USH2A: variants seen among roughly 807,000 people sequenced by gnomAD.
The protein encoded by USH2A is Usher syndrome 2A (autosomal recessive, mild).
A neutral mutation model predicts 538.9 loss-of-function variants in USH2A; 443 were observed. The observed-to-expected ratio is 0.82, with a 90% CI of 0.76 to 0.89. USH2A has a LOEUF of 0.89. Among genes scored for constraint, USH2A ranks in the 40% least tolerant of loss-of-function variants. USH2A has a pLI of 0.00. For synonymous variants in USH2A, 2,413 were observed against 2,273.5 expected (o/e 1.06, Z -1.75); for missense variants, 6,633 against 6,324.8 (o/e 1.05, Z -1.65).
At chr1:215,917,800 A>T (rs1197047827) in intron 38 of USH2A, among the ~76,000 whole-genome samples, 10 of 150,438 alleles carry the variant, frequency 6.6e-5, no homozygotes, top group African/African-American at 2.4e-4. Context: ...AAAAAAAAAA[A>T]AAAAAATACA....
At chr1:215,866,966 A>G in intron 44 of USH2A, 41 bp downstream of exon 44, 1 of 1,613,726 alleles carries the variant, frequency 6.2e-7, no homozygotes, top group South Asian at 1.1e-5. Context: ...TGCTTTTAAA[A>G]ATACACAAAG....
intron 9 of USH2A, among the ~76,000 whole-genome samples, chr1:216,314,306 A>G (rs938160628): frequency 6.6e-6 from 1 of 152,166 alleles, no homozygotes; most frequent in Admixed American, 6.6e-5. Context: ...TTCAAAGATT[A>G]ATAATATCAT....
chr1:216,231,251 ATATATATAAT>A (rs2035678200), intron 14 of USH2A, among the ~76,000 whole-genome samples: 1 of 76,598 alleles, frequency 1.3e-5, no homozygotes, highest in African/African-American at 3.8e-5. Flanking sequence ...TATATATATT[ATATATATAAT>A]ATATATATAT....
chr1:215,957,031 CTTTT>C (rs1278869077), intron 37 of USH2A, among the ~76,000 whole-genome samples: 1 of 152,042 alleles, frequency 6.6e-6, no homozygotes, highest in Non-Finnish European at 1.5e-5. Flanking sequence ...GAAAAAATGC[CTTTT>C]GATTTCCCAA....
chr1:216,059,029 T>C lies in USH2A; in HGVS notation c.6050-10382A>G, dbSNP rs576989255. On this transcript the variant is annotated intron_variant, in intron 30 of 71. Coordinates refer to ENST00000307340, the MANE Select transcript of USH2A (RefSeq NM_206933.4). ...GCAACTATGGAGTAAGAACTTTCAG[T>C]TGAATAGAAAAAAAAATTTCACGGC... Among the ~76,000 whole-genome samples, 8 of 152,150 alleles carry C rather than the reference T, an allele frequency of 5.3e-5. No individual in the cohort carries two copies. The East Asian group carries it at 1.4e-3, about 26-fold the overall frequency.
chr1:216,303,040 G>A (rs1272281623), intron 9 of USH2A, among the ~76,000 whole-genome samples: 1 of 152,036 alleles, frequency 6.6e-6, no homozygotes, highest in African/African-American at 2.4e-5. Context: ...AATACTGCAT[G>A]TTGTTAGGTA....
intron 64 of USH2A, among the ~76,000 whole-genome samples, chr1:215,658,765 G>A (rs1232386552): frequency 1.3e-5 from 2 of 152,230 alleles, no homozygotes; most frequent in Non-Finnish European, 2.9e-5. Flanking sequence ...ACAGAAGCAA[G>A]TACTACTCAT....
rs1372404805 is a variant in USH2A, at chr1:216,044,217, G to A, written c.6325+2214C>T. On this transcript the variant is annotated intron_variant, in intron 32 of 71. Coordinates refer to ENST00000307340, the MANE Select transcript of USH2A (RefSeq NM_206933.4). ...ATAAAGGTAATCAGTAAGCATACGG[G>A]GCATACCTGTGTCACACGTGGGGAG... Among the ~76,000 whole-genome samples the A allele has an allele frequency of 2.0e-5, 3 of 152,036 alleles. No individual in the cohort carries two copies. The East Asian group carries it at 5.8e-4, about 29-fold the overall frequency.
At chr1:215,922,154 C>T (rs912961043) in intron 38 of USH2A, among the ~76,000 whole-genome samples, 3 of 152,046 alleles carry the variant, frequency 2.0e-5, no homozygotes, top group African/African-American at 7.2e-5. Context: ...AAGAAAATTC[C>T]CCAGAGGGGA....
chr1:215,784,364 A>G (rs1661731406), intron 52 of USH2A, among the ~76,000 whole-genome samples: 1 of 152,188 alleles, frequency 6.6e-6, no homozygotes, highest in Admixed American at 6.5e-5. Context: ...CAGATGGTCA[A>G]TATGTTTTAC....
In USH2A at chr1:216,395,328, C is replaced by T. The variant is rs144792718; in HGVS notation, c.651+23186G>A. 3.0e-3 allele frequency among the ~76,000 whole-genome samples: 452 copies of T among 152,274 alleles called. 1 individual carries two copies. The highest frequency in any genetic ancestry group is 0.01 in the African/African-American group (430 of 41,564). On this transcript the variant is annotated intron_variant, in intron 3 of 71. Coordinates refer to ENST00000307340, the MANE Select transcript of USH2A (RefSeq NM_206933.4). ...TAACATTATTGGGTCTCCTTAATTA[C>T]AGTGTTCACACTCCAAAAAATATAT...
chr1:216,120,730 T>C (rs1004099060), intron 21 of USH2A, among the ~76,000 whole-genome samples: 5 of 151,878 alleles, frequency 3.3e-5, no homozygotes, highest in East Asian at 4.0e-4. Flanking sequence ...CGGGCACCTG[T>C]AGTCCCAACT....
At chr1:216,117,170 G>A (rs969594951) in intron 21 of USH2A, among the ~76,000 whole-genome samples, 14 of 152,014 alleles carry the variant, frequency 9.2e-5, no homozygotes, top group Non-Finnish European at 1.8e-4. Flanking sequence ...TGGCATTGTG[G>A]AGGCTCTCCA....
chr1:216,375,053 T>C (rs1428452549), intron 3 of USH2A, among the ~76,000 whole-genome samples: 1 of 152,158 alleles, frequency 6.6e-6, no homozygotes, highest in Non-Finnish European at 1.5e-5. Flanking sequence ...TATAGACAGA[T>C]ACTACTAGAT....
At chr1:215,837,210 C>T (rs746926313) in intron 47 of USH2A, among the ~76,000 whole-genome samples, 5 of 152,010 alleles carry the variant, frequency 3.3e-5, no homozygotes, top group Non-Finnish European at 5.9e-5. Context: ...AGAAATCCTT[C>T]AGAATTGAAA....
chr1:215,877,625 G>A (rs1280214778), intron 43 of USH2A, 133 bp downstream of exon 43: 2 of 1,382,172 alleles, frequency 1.4e-6, no homozygotes, highest in Admixed American at 1.7e-5. Flanking sequence ...TAATGCCACA[G>A]ATAATAACCA....
intron 67 of USH2A, among the ~76,000 whole-genome samples, chr1:215,645,479 A>C (rs1222553203): frequency 1.3e-5 from 2 of 152,212 alleles, no homozygotes; most frequent in East Asian, 3.8e-4. Context: ...ATCGCAGTAC[A>C]CAGTTTATAG....
At chr1:215,628,704 T>G in intron 71 of USH2A, 110 bp downstream of exon 71, 3 of 1,119,228 alleles carry the variant, frequency 2.7e-6, no homozygotes, top group Non-Finnish European at 4.1e-6. Flanking sequence ...ACTGGCTAAG[T>G]GCTCAGAGGC....
At chr1:215,934,858 T>C in intron 37 of USH2A, 63 bp from the exon 38 acceptor site, 2 of 1,469,452 alleles carry the variant, frequency 1.4e-6, no homozygotes, top group Non-Finnish European at 1.8e-6. Flanking sequence ...TGCTATTATT[T>C]GAGTATTTTC....
Sources: gnomAD v4.1 joint callset for allele counts (sites outside exome capture counted in the v4.1 genomes callset) on GRCh38, gnomAD v4.1.1 for gene constraint, MANE v1.5 for transcripts, NCBI Gene and HGNC (gene_info 2026-07-23, HGNC 2026-07-21) for gene names.